Variants in RRP1B observed in about 807,000 individuals in gnomAD.
RRP1B encodes the protein ribosomal RNA processing 1B.
RRP1B carries 56 observed loss-of-function variants against 80.2 expected under a neutral mutation model. The observed-to-expected ratio is 0.70, with a 90% confidence interval of 0.56 to 0.87. The LOEUF is 0.87. Ranked by LOEUF, RRP1B falls within the 40% of genes least tolerant of loss-of-function variation. RRP1B has a pLI of 0.00. For synonymous variants in RRP1B, 351 were observed against 357.6 expected (o/e 0.98, Z 0.21); for missense variants, 807 against 939.8 (o/e 0.86, Z 1.85).
intron 3 of RRP1B, among the ~76,000 whole-genome samples, chr21:43,673,652 A>G (rs887075852): frequency 6.6e-6 from 1 of 150,710 alleles, no homozygotes; most frequent in African/African-American, 2.5e-5. Context: ...AAAAAAAAAA[A>G]AAGTAAAAGA....
At chr21:43,664,597 G>A (rs1429522082) in intron 1 of RRP1B, among the ~76,000 whole-genome samples, 2 of 152,180 alleles carry the variant, frequency 1.3e-5, no homozygotes, top group Admixed American at 6.5e-5. Flanking sequence ...GTTTGTTTCC[G>A]TGCTACTCTG....
In RRP1B at chr21:43,659,709, G is replaced by T; in HGVS notation, c.45G>T (p.Arg15=). The T allele has an allele frequency of 6.5e-7, 1 of 1,532,046 alleles. No homozygotes were observed. The highest frequency in any genetic ancestry group is 8.8e-7 in the Non-Finnish European group (1 of 1,138,570). 94.9% of individuals were successfully genotyped at this position (1,532,046 alleles called of 1,614,324 possible). The change falls in exon 1 of 16, where the codon CGG becomes CGT. Residue 15 remains arginine, a synonymous_variant. Transcript: ENST00000340648. The surrounding 1 kb of genome is among the most constrained non-coding windows in gnomAD (Gnocchi z 4.2). ...CGGCCGAGATCCAATTTGCCCAGCG[G>T]CTGGCGTCCAGCGAGAAGGGCATCC... is the stretch of plus-strand genomic sequence containing the variant. The part of the protein sequence containing the change: ...MQPAEIQFAQ[R]LASSEKGIRD...
chr21:43,690,327 C>G lies in RRP1B; in HGVS notation c.1906C>G (p.Leu636Val). Residue 636 changes from leucine to valine, a missense_variant, in exon 14 of 16, where the codon CTG becomes GTG. Leu to Val is a conservative substitution (Grantham distance 32). Transcript: ENST00000340648. ...GTCSSLKKQKLRAESDFVKFD... is the reference protein window; with the variant it reads ...GTCSSLKKQKVRAESDFVKFD... ...TTGCAGTTCCCTGAAGAAGCAGAAG[C>G]TGAGGGCAGAGAGCGACTTTGTGAA... The G allele has an allele frequency of 6.2e-7, 1 of 1,614,228 alleles. No individual in the cohort carries two copies. Among genetic ancestry groups the G allele is most frequent in the Non-Finnish European group, 8.5e-7 (1 of 1,180,020 alleles).
At chr21:43,682,629 G>A (rs369688229) in intron 8 of RRP1B, among the ~76,000 whole-genome samples, 2 of 152,214 alleles carry the variant, frequency 1.3e-5, no homozygotes, top group East Asian at 1.9e-4. Context: ...GGGCGATGCC[G>A]TGTCCCATCC....
At position 43,693,047 on chromosome 21, in the gene RRP1B, C is replaced by A; in HGVS notation, c.2084-143C>A. ...TCCTTTCCTCAGAAGGCTCTTGGGC[C>A]TGCTCTCTGCAGGGCCTTGAGATGG... On this transcript the variant is annotated intron_variant, in intron 15 of 15. Transcript: ENST00000340648. This position sits in a 1 kb window ranked among gnomAD's most constrained non-coding sequence, Gnocchi z 4.1. The A allele has an allele frequency of 1.3e-6, 1 of 767,450 alleles. No individual in the cohort carries two copies. The highest frequency in any genetic ancestry group is 2.1e-6 in the Non-Finnish European group (1 of 475,698). 47.5% of individuals were successfully genotyped at this position (767,450 alleles called of 1,614,324 possible). A position where few individuals can be genotyped will look rare whatever the true frequency, so the allele number is the denominator to read the frequency against.
chr21:43,691,391 C>A lies in RRP1B; in HGVS notation c.2020-48C>A. ...CCAGAAAAATCTGACTAAGCGCCTC[C>A]ACTGCACTTGCGTCACTCCTTTTGT... is the stretch of plus-strand genomic sequence containing the variant. On this transcript the variant is annotated intron_variant, in intron 14 of 15. Transcript: ENST00000340648. This position sits in a 1 kb window ranked among gnomAD's most constrained non-coding sequence, Gnocchi z 4.2. 1 of 1,577,772 alleles carries A rather than the reference C, an allele frequency of 6.3e-7. No homozygotes were observed. Among genetic ancestry groups the A allele is most frequent in the Non-Finnish European group, 8.7e-7 (1 of 1,147,896 alleles).
chr21:43,672,840 CGTTT>C (rs2083005321), intron 3 of RRP1B, among the ~76,000 whole-genome samples: 1 of 152,174 alleles, frequency 6.6e-6, no homozygotes, highest in African/African-American at 2.4e-5. Context: ...TAGCCGACTT[CGTTT>C]GTTCTGCTTA....
At chr21:43,677,445 C>T (rs2083027264) in intron 8 of RRP1B, among the ~76,000 whole-genome samples, 1 of 152,116 alleles carries the variant, frequency 6.6e-6, no homozygotes, top group South Asian at 2.1e-4. Flanking sequence ...AAGTTGCAGG[C>T]CCATCCAAAC....
intron 5 of RRP1B, 32 bp from the exon 6 acceptor site, chr21:43,675,002 T>G (rs1446570204): frequency 6.2e-7 from 1 of 1,612,538 alleles, no homozygotes; most frequent in South Asian, 1.1e-5. Context: ...TGGCATACTG[T>G]CATTCACAGA....
chr21:43,691,785 C>T lies in RRP1B; in HGVS notation c.2083+283C>T, dbSNP rs555652539. 6.6e-6 allele frequency among the ~76,000 whole-genome samples: 1 copy of T among 152,086 alleles called. No homozygotes were observed. The highest frequency in any genetic ancestry group is 6.5e-5 in the Admixed American group (1 of 15,272). ...CTGCCGGGTAGCGGGTAGCTGGGAT[C>T]ACAGGTGCACGCCATCACATCCAGC... On this transcript the variant is annotated intron_variant, in intron 15 of 15. Coordinates refer to ENST00000340648, the MANE Select transcript of RRP1B (RefSeq NM_015056.3). This position sits in a 1 kb window ranked among gnomAD's most constrained non-coding sequence, Gnocchi z 4.2.
At chr21:43,688,381 A>AT in intron 13 of RRP1B, 141 bp downstream of exon 13, 1 of 1,045,200 alleles carries the variant, frequency 9.6e-7, no homozygotes, top group East Asian at 2.6e-5. Context: ...GGGTGTGTTC[A>AT]TAACAGCCTT....
chr21:43,666,546 G>A (rs539350378), intron 1 of RRP1B, among the ~76,000 whole-genome samples: 2 of 152,224 alleles, frequency 1.3e-5, no homozygotes, highest in South Asian at 4.2e-4. Flanking sequence ...GCGAAACCCC[G>A]TCTCTATTAA....
chr21:43,663,972 G>T (rs1396575897), intron 1 of RRP1B, among the ~76,000 whole-genome samples: 2 of 152,212 alleles, frequency 1.3e-5, no homozygotes, highest in African/African-American at 4.8e-5. Flanking sequence ...CAAGACTGAT[G>T]AAACCAAACT....
At chr21:43,672,418 T>C (rs978121879) in intron 3 of RRP1B, 53 bp downstream of exon 3, 6 of 1,449,182 alleles carry the variant, frequency 4.1e-6, no homozygotes, top group Non-Finnish European at 5.8e-6. Context: ...CTTGCTAGTT[T>C]AATGGGAACC....
intron 10 of RRP1B, among the ~76,000 whole-genome samples, chr21:43,685,514 G>A (rs752634727): frequency 4.6e-5 from 7 of 152,116 alleles, no homozygotes; most frequent in South Asian, 2.1e-4. Flanking sequence ...TCTTTGGCCC[G>A]CCGTGTCCTT....
intron 10 of RRP1B, among the ~76,000 whole-genome samples, chr21:43,684,931 C>G (rs2083057425): frequency 6.6e-6 from 1 of 152,132 alleles, no homozygotes; most frequent in Non-Finnish European, 1.5e-5. Flanking sequence ...CAACCAGAAA[C>G]TGATGTGAAT....
At position 43,687,135 on chromosome 21, in the gene RRP1B, G is replaced by C. The variant is rs7281217; in HGVS notation, c.1141+200G>C. ...TGGAGCCGCGTCCCCACCTCACCCCGCTCACGTCCGCCTGCTCTCCAGGGC... is the reference window on the plus strand; with the variant it reads ...TGGAGCCGCGTCCCCACCTCACCCCCCTCACGTCCGCCTGCTCTCCAGGGC... On this transcript the variant is annotated intron_variant, in intron 12 of 15. Coordinates refer to ENST00000340648, the MANE Select transcript of RRP1B (RefSeq NM_015056.3). Among the ~76,000 whole-genome samples, 650 of 152,224 alleles carry C rather than the reference G, an allele frequency of 4.3e-3. 3 individuals carry two copies. The highest frequency in any genetic ancestry group is 0.015 in the African/African-American group (610 of 41,554).
chr21:43,694,885 C>T lies in RRP1B; in HGVS notation c.*1502C>T, dbSNP rs2083101520. ...TCATGGAGCCAAGGGTGGGGTTTCA[C>T]CTGCGAACATCAGACTGACTTGCTG... On this transcript the variant is annotated 3_prime_UTR_variant, in exon 16 of 16. Coordinates refer to ENST00000340648, the MANE Select transcript of RRP1B (RefSeq NM_015056.3). The T allele has an allele frequency of 6.6e-6, 1 of 152,364 alleles. No homozygotes were observed. The highest frequency in any genetic ancestry group is 2.4e-5 in the African/African-American group (1 of 41,578). 9.4% of individuals were successfully genotyped at this position (152,364 alleles called of 1,614,324 possible). A position where few individuals can be genotyped will look rare whatever the true frequency, so the allele number is the denominator to read the frequency against.
rs572938498 is a variant in RRP1B, at chr21:43,688,814, G to A, written c.1866+574G>A. Among the ~76,000 whole-genome samples, 149 of 152,284 alleles carry A rather than the reference G, an allele frequency of 9.8e-4. 2 individuals are homozygous for A. The highest frequency in any genetic ancestry group is 3.4e-3 in the African/African-American group (141 of 41,548). ...GGAACCAAGCTGTTGATCTGGTCTTGGGTCTGGCTGTGTCACCCAGGCTGG... is the reference window on the plus strand; with the variant it reads ...GGAACCAAGCTGTTGATCTGGTCTTAGGTCTGGCTGTGTCACCCAGGCTGG... On this transcript the variant is annotated intron_variant, in intron 13 of 15. Transcript: ENST00000340648.
Sources: gnomAD v4.1 joint callset for allele counts (sites outside exome capture counted in the v4.1 genomes callset) on GRCh38, gnomAD v4.1.1 for gene constraint, Gnocchi (gnomAD v3.1) non-coding constraint, MANE v1.5 for transcripts, NCBI Gene and HGNC (gene_info 2026-07-23, HGNC 2026-07-21) for gene names.